ABAT: variants seen among roughly 807,000 people sequenced by gnomAD.
The protein encoded by ABAT is 4-aminobutyrate aminotransferase.
ABAT carries 45 observed loss-of-function variants against 64.6 expected under a neutral mutation model. The observed-to-expected ratio is 0.70, with a 90% CI of 0.55 to 0.89. The LOEUF (loss-of-function observed/expected upper bound fraction) is 0.89. ABAT is among the 40% of genes least tolerant of loss of function. ABAT has a pLI of 0.00. For missense variants in ABAT, 633 were observed against 658.4 expected (o/e 0.96, Z 0.42); for synonymous variants, 297 against 250.5 (o/e 1.19, Z -1.75).
chr16:8,756,730 C>A (rs953266635), intron 5 of ABAT, among the ~76,000 whole-genome samples: 11 of 152,328 alleles, frequency 7.2e-5, no homozygotes, highest in South Asian at 4.1e-4. Context: ...TGATTCGTTA[C>A]ATTAGAAGGC....
intron 1 of ABAT, among the ~76,000 whole-genome samples, chr16:8,683,948 G>C (rs995390996): frequency 1.8e-5 from 2 of 114,208 alleles, no homozygotes; most frequent in Non-Finnish European, 3.9e-5. Context: ...CTATGTGTCT[G>C]TGTGTGTGAG....
intron 1 of ABAT, among the ~76,000 whole-genome samples, chr16:8,687,652 G>A (rs1022661371): frequency 6.6e-5 from 10 of 152,168 alleles, no homozygotes; most frequent in African/African-American, 1.2e-4. Context: ...CAGGTCCCAC[G>A]CGGTGCATCC....
At chr16:8,732,204 T>TTG (rs1567291387) in intron 1 of ABAT, among the ~76,000 whole-genome samples, 738 of 23,018 alleles carry the variant, frequency 0.032, 43 homozygotes, top group African/African-American at 0.058. Flanking sequence ...TTGTTTTTTT[T>TTG]TTTTGTTTGT....
chr16:8,708,289 C>A (rs978355348), intron 1 of ABAT, among the ~76,000 whole-genome samples: 2 of 152,166 alleles, frequency 1.3e-5, no homozygotes, highest in Admixed American at 1.3e-4. Flanking sequence ...CTGTGTTGCC[C>A]AGGCTGGAGT....
intron 11 of ABAT, among the ~76,000 whole-genome samples, chr16:8,772,266 G>C (rs1046967488): frequency 0.026 from 700 of 27,380 alleles, 8 homozygotes; most frequent in African/African-American, 0.098. Flanking sequence ...GTGTGTGTGT[G>C]TGTGTGTGTG....
At chr16:8,748,439 T>G (rs576408765) in intron 4 of ABAT, among the ~76,000 whole-genome samples, 3 of 152,346 alleles carry the variant, frequency 2.0e-5, no homozygotes, top group South Asian at 2.1e-4. Context: ...TGAGCCTTTT[T>G]TTATGGCCTA....
chr16:8,738,616 G>GTTTTTTTTTTTTTTTTTTTTTTTTTTTTT (rs772511380), intron 2 of ABAT, among the ~76,000 whole-genome samples: 1 of 117,574 alleles, frequency 8.5e-6, no homozygotes, highest in Non-Finnish European at 1.7e-5. Flanking sequence ...TTTTGTTTTT[G>GTTTTTTTTTTTTTTTTTTTTTTTTTTTTT]TTTTTGTTTT....
At chr16:8,777,374 T>G (rs1388688431) in intron 14 of ABAT, among the ~76,000 whole-genome samples, 1 of 152,080 alleles carries the variant, frequency 6.6e-6, no homozygotes, top group African/African-American at 2.4e-5. Context: ...CTCTCTACCC[T>G]CAAGGTTTCG....
chr16:8,742,592 C>A (rs760660833), intron 2 of ABAT, among the ~76,000 whole-genome samples: 1 of 151,986 alleles, frequency 6.6e-6, no homozygotes. Context: ...GGGCCGGGTA[C>A]GGTGGCTTAT....
rs1050544162 is a variant in ABAT, at chr16:8,784,461, A to T, written c.*3031A>T. 1 of 132,948 alleles carries T rather than the reference A, an allele frequency of 7.5e-6. No homozygotes were observed. The highest frequency in any genetic ancestry group is 2.8e-5 in the African/African-American group (1 of 35,284). 8.2% of individuals were successfully genotyped at this position (132,948 alleles called of 1,614,324 possible). On this transcript the variant is annotated 3_prime_UTR_variant, in exon 16 of 16. Transcript: ENST00000268251. Reference sequence around the variant, plus strand: ...CTGTTGACAGTGCCAATAAATGATAAAAAAAAAATTAACATGTCACAATGT... The same window carrying T: ...CTGTTGACAGTGCCAATAAATGATATAAAAAAAATTAACATGTCACAATGT...
intron 1 of ABAT, among the ~76,000 whole-genome samples, chr16:8,697,915 G>A (rs1479116703): frequency 6.6e-6 from 1 of 152,220 alleles, no homozygotes; most frequent in Non-Finnish European, 1.5e-5. Flanking sequence ...GGGATCACAG[G>A]CGTGAGCCAC....
rs541930252 is a variant in ABAT, at chr16:8,733,576, T to TC, written c.-41-2120dup. On this transcript the variant is annotated intron_variant, in intron 1 of 15. Transcript: ENST00000268251. ...TGAGTGAACGAGACTCCGTCTGTAATCCCGGCACCTCGGGAGGCCGAGGCT... is the reference window on the plus strand; with the variant it reads ...TGAGTGAACGAGACTCCGTCTGTAATCCCCGGCACCTCGGGAGGCCGAGGCT... 2.2e-3 allele frequency among the ~76,000 whole-genome samples: 342 copies of TC among 152,012 alleles called. 11 individuals are homozygous for TC. The highest frequency in any genetic ancestry group is 7.8e-3 in the African/African-American group (322 of 41,262).
At position 8,764,642 on chromosome 16, in the gene ABAT, C is replaced by T. The variant is rs1019205737; in HGVS notation, c.448-96C>T. 31 of 1,185,020 alleles carry T rather than the reference C, an allele frequency of 2.6e-5. No homozygotes were observed. Among genetic ancestry groups the T allele is most frequent in the South Asian group, 1.7e-4 (14 of 81,142 alleles). The allele number at this position is 1,185,020 out of a possible 1,614,324, so 73.4% of individuals were successfully genotyped here. On this transcript the variant is annotated intron_variant, in intron 7 of 15. Coordinates refer to ENST00000268251, the MANE Select transcript of ABAT (RefSeq NM_020686.6). The surrounding 1 kb of genome is among the most constrained non-coding windows in gnomAD (Gnocchi z 4.2). ...GGACAGCCCTGGTTCTGTCTGTCCC[C>T]GGTACGGCCCCTGCGAAGATTCAGC...
intron 2 of ABAT, chr16:8,737,400 C>G (rs775627026): frequency 3.3e-5 from 5 of 152,044 alleles, no homozygotes; most frequent in African/African-American, 4.8e-5. Context: ...TCGCTTGAAT[C>G]CAGGAGGTAG....
intron 9 of ABAT, among the ~76,000 whole-genome samples, chr16:8,766,688 G>A (rs2091634): frequency 6.6e-6 from 1 of 150,612 alleles, no homozygotes; most frequent in Admixed American, 6.6e-5. Context: ...AAAACAAAAG[G>A]CCGGCTGCTG....
At chr16:8,777,039 C>T (rs1010613498) in intron 14 of ABAT, among the ~76,000 whole-genome samples, 23 of 152,134 alleles carry the variant, frequency 1.5e-4, no homozygotes, top group South Asian at 4.1e-4. Flanking sequence ...GCTGGGATTA[C>T]GGGCATGTGC....
intron 2 of ABAT, among the ~76,000 whole-genome samples, chr16:8,739,007 T>C (rs539216589): frequency 7.9e-5 from 12 of 152,340 alleles, no homozygotes; most frequent in Admixed American, 3.9e-4. Context: ...ATAATTATGC[T>C]AAACTAAATC....
intron 11 of ABAT, among the ~76,000 whole-genome samples, chr16:8,772,042 G>T (rs187581750): frequency 6.6e-6 from 1 of 152,168 alleles, no homozygotes; most frequent in Non-Finnish European, 1.5e-5. Context: ...TGGGATTGCA[G>T]GTGTGAGCCA....
intron 4 of ABAT, among the ~76,000 whole-genome samples, chr16:8,749,405 TTTTTTTTTTTTG>T (rs2059417390): frequency 8.0e-6 from 1 of 124,614 alleles, no homozygotes; most frequent in Non-Finnish European, 1.7e-5. Context: ...TTTTTTTTTT[TTTTTTTTTTTTG>T]AGATGAAGTC....
Sources: allele counts gnomAD v4.1 joint callset (sites outside exome capture counted in the v4.1 genomes callset), GRCh38; gene constraint gnomAD v4.1.1; non-coding constraint Gnocchi (gnomAD v3.1); transcripts MANE v1.5; gene names NCBI Gene and HGNC (gene_info 2026-07-23, HGNC 2026-07-21).